The following FGF14 variants were observed in gnomAD, a reference collection of about 807,000 sequenced individuals.
FGF14 encodes the protein fibroblast growth factor homologous factor 4.
A neutral mutation model predicts 25.5 loss-of-function variants in FGF14; 5 were observed. The ratio of observed to expected loss-of-function variants is 0.20; its 90% CI spans 0.10 to 0.41. The LOEUF (loss-of-function observed/expected upper bound fraction) is 0.41. Among genes scored for constraint, FGF14 ranks in the 10% least tolerant of loss-of-function variants. The pLI, the probability that FGF14 is intolerant of heterozygous loss-of-function variation, is 1.00. For missense variants in FGF14, 222 were observed against 320.1 expected, an observed-to-expected ratio of 0.69 and a Z score of 2.34; for synonymous variants, 138 against 118.3, an observed-to-expected ratio of 1.17 and a Z score of -1.08.
intron 1 of FGF14, among the ~76,000 whole-genome samples, chr13:102,272,303 C>T (rs2053287942): frequency 6.6e-6 from 1 of 152,102 alleles, no homozygotes; most frequent in African/African-American, 2.4e-5. Flanking sequence ...TTCTAATAAA[C>T]CCCTTTGTCT....
chr13:101,770,716 T>A (rs905865573), intron 3 of FGF14, among the ~76,000 whole-genome samples: 1 of 152,086 alleles, frequency 6.6e-6, no homozygotes, highest in East Asian at 1.9e-4. Context: ...TGGGTTAGCA[T>A]AATAGTAAGA....
chr13:101,773,019 G>C (rs1364499872), intron 3 of FGF14, among the ~76,000 whole-genome samples: 1 of 152,106 alleles, frequency 6.6e-6, no homozygotes, highest in African/African-American at 2.4e-5. Context: ...TTTTGATTAA[G>C]GAAAGGTGTG....
chr13:102,205,191 A>C (rs2049849077), intron 1 of FGF14, among the ~76,000 whole-genome samples: 1 of 152,184 alleles, frequency 6.6e-6, no homozygotes, highest in South Asian at 2.1e-4. Flanking sequence ...GTGTGTGTGC[A>C]TGTGAATGCA....
intron 1 of FGF14, among the ~76,000 whole-genome samples, chr13:102,331,770 G>GT (rs2056639710): frequency 6.6e-6 from 1 of 152,148 alleles, no homozygotes; most frequent in Non-Finnish European, 1.5e-5. Context: ...AATCATAAAA[G>GT]TTTCGAATTG....
At chr13:102,349,565 A>T (rs2057212942) in intron 1 of FGF14, among the ~76,000 whole-genome samples, 1 of 152,214 alleles carries the variant, frequency 6.6e-6, no homozygotes, top group East Asian at 1.9e-4. Context: ...ACTTATCAGG[A>T]GTCATAAAAA....
At chr13:102,033,704 T>C (rs1075955) in intron 1 of FGF14, among the ~76,000 whole-genome samples, 2,257 of 152,258 alleles carry the variant, frequency 0.015, 65 homozygotes, top group African/African-American at 0.052. Context: ...TATATTAGGA[T>C]GCAATGTCTA....
chr13:101,809,549 A>T (rs901286463), intron 3 of FGF14, among the ~76,000 whole-genome samples: 3 of 152,198 alleles, frequency 2.0e-5, no homozygotes, highest in Admixed American at 6.5e-5. Context: ...AATTGAGAGG[A>T]CACAAGCTGG....
intron 3 of FGF14, among the ~76,000 whole-genome samples, chr13:101,837,782 TGATTG>T (rs1395030670): frequency 3.9e-5 from 6 of 152,194 alleles, no homozygotes; most frequent in East Asian, 1.9e-4. Flanking sequence ...TGTGTCAACT[TGATTG>T]GATTGAAGGA....
chr13:102,117,288 C>T (rs1409712035), intron 1 of FGF14, among the ~76,000 whole-genome samples: 1 of 151,968 alleles, frequency 6.6e-6, no homozygotes, highest in Non-Finnish European at 1.5e-5. Context: ...CATCCTCCCA[C>T]CTCACATAGC....
At chr13:101,824,551 T>G (rs745716915) in intron 3 of FGF14, among the ~76,000 whole-genome samples, 1 of 152,216 alleles carries the variant, frequency 6.6e-6, no homozygotes, top group Non-Finnish European at 1.5e-5. Flanking sequence ...AAAACTAAAA[T>G]GAAGAATTGA....
At chr13:101,785,339 T>G (rs1353498697) in intron 3 of FGF14, among the ~76,000 whole-genome samples, 1 of 143,296 alleles carries the variant, frequency 7.0e-6, no homozygotes, top group Non-Finnish European at 1.5e-5. Flanking sequence ...AAAGCCTAGC[T>G]TCTCCCAAAG....
In FGF14 at chr13:102,391,798, T is replaced by A. The variant is rs963675919; in HGVS notation, c.208+9673A>T. ...AATGCTAAGGCCAAATGATGGTTAC[T>A]ACTGAGTGCTTACGTAGAAAACTGA... On this transcript the variant is annotated intron_variant, in intron 1 of 4. Coordinates refer to the FGF14 transcript ENST00000376131. Among the ~76,000 whole-genome samples the A allele has an allele frequency of 5.3e-5, 8 of 152,366 alleles. No individual in the cohort carries two copies. In the South Asian group the frequency reaches 6.2e-4, roughly 12 times the overall value.
At chr13:102,030,875 G>A (rs937992593) in intron 1 of FGF14, among the ~76,000 whole-genome samples, 1 of 151,966 alleles carries the variant, frequency 6.6e-6, no homozygotes, top group African/African-American at 2.4e-5. Flanking sequence ...GCGAATACTC[G>A]GTATGAATTT....
At chr13:102,079,830 A>G (rs1416079037) in intron 1 of FGF14, among the ~76,000 whole-genome samples, 1 of 152,164 alleles carries the variant, frequency 6.6e-6, no homozygotes, top group Non-Finnish European at 1.5e-5. Context: ...TGTGCCAGGG[A>G]AAAAGCCTCA....
intron 1 of FGF14, among the ~76,000 whole-genome samples, chr13:102,359,523 C>T (rs1193124345): frequency 6.6e-6 from 1 of 152,108 alleles, no homozygotes; most frequent in Non-Finnish European, 1.5e-5. Flanking sequence ...GCATTTCTTT[C>T]TGCGTAACAC....
At chr13:101,819,753 A>T (rs1170704771) in intron 3 of FGF14, among the ~76,000 whole-genome samples, 10 of 152,194 alleles carry the variant, frequency 6.6e-5, no homozygotes, top group Admixed American at 6.5e-4. Flanking sequence ...AGTTTTGAAG[A>T]TACATGATAA....
At chr13:102,198,464 G>A (rs1052118907) in intron 1 of FGF14, among the ~76,000 whole-genome samples, 11 of 152,132 alleles carry the variant, frequency 7.2e-5, no homozygotes, top group African/African-American at 1.2e-4. Flanking sequence ...TGTTTCCACC[G>A]AAATTATATT....
chr13:102,392,271 T>C (rs1399802525), intron 1 of FGF14, among the ~76,000 whole-genome samples: 1 of 152,248 alleles, frequency 6.6e-6, no homozygotes, highest in Non-Finnish European at 1.5e-5. Flanking sequence ...TCTCTTTTCT[T>C]GCCAGACCTG....
chr13:102,216,025 T>C (rs1215746807), intron 1 of FGF14, among the ~76,000 whole-genome samples: 1 of 152,062 alleles, frequency 6.6e-6, no homozygotes, highest in African/African-American at 2.4e-5. Flanking sequence ...AGAAGGTCAG[T>C]ATTTACAGAA....
Sources: allele counts gnomAD v4.1 joint callset (sites outside exome capture counted in the v4.1 genomes callset), GRCh38; gene constraint gnomAD v4.1.1; transcripts MANE v1.5; gene names NCBI Gene and HGNC (gene_info 2026-07-23, HGNC 2026-07-21).